The following AK7 variants were observed in gnomAD, a reference collection of about 807,000 sequenced individuals.
The protein encoded by AK7 is adenylate kinase 7.
AK7 carries 78 observed loss-of-function variants against 96.6 expected under a neutral mutation model. That is an observed-to-expected ratio of 0.81 (90% confidence interval 0.67 to 0.97). The LOEUF is 0.97. AK7 is among the 50% of genes least tolerant of loss of function. The pLI, the probability that AK7 is intolerant of heterozygous loss-of-function variation, is 0.00. For missense variants in AK7, 855 were observed against 887.9 expected (o/e 0.96, Z 0.47); for synonymous variants, 302 against 317.2 (o/e 0.95, Z 0.51).
chr14:96,483,003 A>G lies in AK7; in HGVS notation c.1758A>G (p.Val586=). 25 of 1,613,978 alleles carry G rather than the reference A, an allele frequency of 1.5e-5. No individual in the cohort carries two copies. The highest frequency in any genetic ancestry group is 1.9e-5 in the Non-Finnish European group (23 of 1,179,978). ...ELEIHPIHID[V]GKLEDAQNRL... is the part of the protein sequence containing the mutation. The stretch of plus-strand genomic sequence containing the variant: ...TCTCTCTCCTGGTATTTAAAGATGT[A>G]GGAAAACTTGAAGATGCTCAGAATA... The change falls in exon 16 of 18, where the codon GTA becomes GTG. Residue 586 remains valine (V), a synonymous_variant. Transcript: ENST00000267584.
intron 10 of AK7, among the ~76,000 whole-genome samples, chr14:96,453,283 G>A (rs11850396): frequency 0.33 from 50,293 of 151,990 alleles, 8,660 homozygotes; most frequent in South Asian, 0.4. Context: ...TAGGTCAACT[G>A]TAACAACAAC....
chr14:96,420,996 TC>T, intron 5 of AK7, 64 bp downstream of exon 5: 2 of 1,152,814 alleles, frequency 1.7e-6, no homozygotes, highest in Middle Eastern at 3.9e-4. Flanking sequence ...TTGTGTGGTT[TC>T]CTGAGACTTA....
intron 12 of AK7, 60 bp downstream of exon 12, chr14:96,458,272 T>C: frequency 6.4e-7 from 1 of 1,574,456 alleles, no homozygotes; most frequent in East Asian, 2.3e-5. Context: ...TTTTTAAAAA[T>C]CTGGTTATAA....
chr14:96,442,757 T>C lies in AK7; in HGVS notation c.718T>C (p.Leu240=). 6.2e-7 allele frequency: 1 copy of C among 1,614,218 alleles called. No individual in the cohort carries two copies. The highest frequency in any genetic ancestry group is 8.5e-7 in the Non-Finnish European group (1 of 1,180,036). ...KMAWLGEIPA[L]PVFGDGTNVI... is the part of the protein sequence containing the mutation. ...GGCTTGGTTGGGCGAGATTCCTGCA[T>C]TACCAGTTTTTGGCGATGGAACAAA... The change falls in exon 7 of 18, where the codon TTA becomes CTA. Residue 240 remains leucine (L), a synonymous_variant. Coordinates refer to ENST00000267584, the MANE Select transcript of AK7 (RefSeq NM_152327.5).
At chr14:96,443,099 A>G (rs1475232375) in intron 7 of AK7, among the ~76,000 whole-genome samples, 1 of 152,198 alleles carries the variant, frequency 6.6e-6, no homozygotes, top group Non-Finnish European at 1.5e-5. Flanking sequence ...GAAAAGAAAG[A>G]ACTTGGTGTG....
At chr14:96,475,129 G>A (rs1424235046) in intron 14 of AK7, among the ~76,000 whole-genome samples, 1 of 152,178 alleles carries the variant, frequency 6.6e-6, no homozygotes, top group Non-Finnish European at 1.5e-5. Flanking sequence ...GTGCAAACAC[G>A]TCTAAGACGT....
chr14:96,471,251 A>C (rs1459357926), intron 12 of AK7, among the ~76,000 whole-genome samples: 1 of 149,920 alleles, frequency 6.7e-6, no homozygotes, highest in African/African-American at 2.5e-5. Context: ...AAGATTGCAG[A>C]GCCTGGGAGG....
rs904605534 is a variant in AK7, at chr14:96,466,305, C to T, written c.1358-5173C>T. On this transcript the variant is annotated intron_variant, in intron 12 of 17. Coordinates refer to ENST00000267584, the MANE Select transcript of AK7 (RefSeq NM_152327.5). ...AGGCTGGAGTGCAGTGGCATGATCTCGGCTCACTGCAAGCTCCACCTCCTG... is the reference window on the plus strand; with the variant it reads ...AGGCTGGAGTGCAGTGGCATGATCTTGGCTCACTGCAAGCTCCACCTCCTG... 3.9e-5 allele frequency among the ~76,000 whole-genome samples: 6 copies of T among 152,024 alleles called. No homozygotes were observed. The East Asian group carries it at 5.8e-4, about 15-fold the overall frequency.
At chr14:96,466,393 C>T (rs1007201378) in intron 12 of AK7, among the ~76,000 whole-genome samples, 23 of 151,978 alleles carry the variant, frequency 1.5e-4, no homozygotes, top group Non-Finnish European at 2.6e-4. Context: ...CCCGCCACCA[C>T]GCCCGGCTAA....
chr14:96,471,895 T>C (rs1433234102), intron 13 of AK7, among the ~76,000 whole-genome samples: 4 of 152,204 alleles, frequency 2.6e-5, no homozygotes, highest in Non-Finnish European at 5.9e-5. Flanking sequence ...AAGTGTGCGA[T>C]ACATTATCGT....
chr14:96,478,351 T>A, intron 14 of AK7, 114 bp from the exon 15 acceptor site: 1 of 1,023,406 alleles, frequency 9.8e-7, no homozygotes, highest in Non-Finnish European at 1.5e-6. Context: ...TTGGACAGGC[T>A]ATTTGTGGCA....
chr14:96,449,797 AAC>A lies in AK7; in HGVS notation c.871-3_871-2del, dbSNP rs758855227. ...CCAACTAATATTTCGATTTTCCTCT[AAC>A]AGTGTATCAGTAAAAATACTGGCCC... On this transcript the variant is annotated splice_region_variant and splice_polypyrimidine_tract_variant and intron_variant, in intron 8 of 17. Transcript: ENST00000267584. 7.5e-6 allele frequency: 12 copies of A among 1,604,474 alleles called. No individual in the cohort carries two copies. The South Asian group carries it at 1.3e-4, about 18-fold the overall frequency.
rs779848455 is a variant in AK7 at position 96,398,080 on chromosome 14, A to G, written c.111A>G (p.Leu37=). Residue 37 remains leucine, a synonymous_variant, in exon 2 of 18, where the codon CTA becomes CTG. Coordinates refer to ENST00000267584, the MANE Select transcript of AK7 (RefSeq NM_152327.5). Reference sequence around the variant, plus strand: ...AAATTTCTGTTTCCTTGCAGTTTCTATCTAACTGTGTAGTTGGGGCTTCGC... The same window carrying G: ...AAATTTCTGTTTCCTTGCAGTTTCTGTCTAACTGTGTAGTTGGGGCTTCGC... ...SYSSGNIGKF[L]SNCVVGASLE... 3 of 1,613,852 alleles carry G rather than the reference A, an allele frequency of 1.9e-6. No individual in the cohort carries two copies. Among genetic ancestry groups the G allele is most frequent in the South Asian group, 1.1e-5 (1 of 91,060 alleles).
At chr14:96,432,202 C>CTTTTTTTTTTTTTTTTTTTT (rs71103525) in intron 5 of AK7, among the ~76,000 whole-genome samples, 1 of 101,194 alleles carries the variant, frequency 9.9e-6, no homozygotes, top group Non-Finnish European at 1.9e-5. Flanking sequence ...GCAACCCCTG[C>CTTTTTTTTTTTTTTTTTTTT]TTTTTTTTTT....
intron 5 of AK7, among the ~76,000 whole-genome samples, chr14:96,427,588 A>G (rs1892102965): frequency 6.6e-6 from 1 of 152,220 alleles, no homozygotes; most frequent in Non-Finnish European, 1.5e-5. Context: ...GACCCAAGCC[A>G]TATCATGTTG....
Position 96,443,780 on chromosome 14 carries a change from A to ATTTTT in AK7, c.779+969_779+973dup, listed in dbSNP as rs60861399. On this transcript the variant is annotated intron_variant, in intron 7 of 17. Transcript: ENST00000267584. ...AAAAAAATAACAAAAAAAACTCATAATTTTTTTTTTTGAGATGGAGTCTCA... is the reference window on the plus strand; with the variant it reads ...AAAAAAATAACAAAAAAAACTCATAATTTTTTTTTTTTTTTTGAGATGGAGTCTCA... 1.1e-3 allele frequency among the ~76,000 whole-genome samples: 152 copies of ATTTTT among 137,584 alleles called. 8 individuals carry two copies. The highest frequency in any genetic ancestry group is 3.7e-3 in the South Asian group (16 of 4,274). 90.3% of individuals were successfully genotyped at this position (137,584 alleles called of 152,430 possible).
At chr14:96,485,166 T>C (rs917589951) in intron 16 of AK7, among the ~76,000 whole-genome samples, 1 of 152,258 alleles carries the variant, frequency 6.6e-6, no homozygotes, top group African/African-American at 2.4e-5. Context: ...TACTCGCACA[T>C]GTCAGGCTGA....
intron 6 of AK7, among the ~76,000 whole-genome samples, chr14:96,441,729 C>T (rs1231871642): frequency 6.6e-6 from 1 of 151,872 alleles, no homozygotes; most frequent in Admixed American, 6.6e-5. Flanking sequence ...TTGACTTTTC[C>T]CTTTGGCTTA....
chr14:96,402,654 G>A (rs1160997329), intron 2 of AK7, among the ~76,000 whole-genome samples: 1 of 152,122 alleles, frequency 6.6e-6, no homozygotes, highest in African/African-American at 2.4e-5. Context: ...TCAATGTTTG[G>A]ATCAAAATTG....
Sources: allele counts gnomAD v4.1 joint callset (sites outside exome capture counted in the v4.1 genomes callset), GRCh38; gene constraint gnomAD v4.1.1; transcripts MANE v1.5; gene names NCBI Gene and HGNC (gene_info 2026-07-23, HGNC 2026-07-21).